Variants in RAPGEF1 observed in about 807,000 individuals in gnomAD.
RAPGEF1 encodes CRK SH3-binding GNRP.
Under a neutral mutation model 143.3 loss-of-function variants are expected in RAPGEF1, and 33 were observed. The ratio of observed to expected loss-of-function variants is 0.23; its 90% CI spans 0.17 to 0.31. The LOEUF (loss-of-function observed/expected upper bound fraction) is 0.31. Ranked by LOEUF, RAPGEF1 falls within the 10% of genes least tolerant of loss-of-function variation. RAPGEF1 has a pLI of 1.00. For missense variants in RAPGEF1, 1,199 were observed against 1,645.4 expected (o/e 0.73, Z 4.69); for synonymous variants, 629 against 676.5 (o/e 0.93, Z 1.09).
rs575940317 is a variant in RAPGEF1 at position 131,583,989 on chromosome 9, G to A, written c.3414+322C>T. Among the ~76,000 whole-genome samples the A allele has an allele frequency of 2.0e-5, 3 of 152,346 alleles. No homozygotes were observed. The highest frequency in any genetic ancestry group is 3.9e-4 in the East Asian group (2 of 5,180). On this transcript the variant is annotated intron_variant, in intron 24 of 26. Transcript: ENST00000683357. The surrounding 1 kb of genome is among the most constrained non-coding windows in gnomAD (Gnocchi z 4.7). The stretch of plus-strand genomic sequence containing the variant: ...CAGCACCTACCGCAGTGCCCGGCCC[G>A]AAGCAGACCCTTCAGAAGAACGGGC...
At chr9:131,642,965 C>T (rs1156789229) in intron 4 of RAPGEF1, among the ~76,000 whole-genome samples, 3 of 152,178 alleles carry the variant, frequency 2.0e-5, no homozygotes, top group East Asian at 1.9e-4. Context: ...CCTGGCTTGA[C>T]GCAGTTAAGT....
intron 12 of RAPGEF1, among the ~76,000 whole-genome samples, chr9:131,617,899 G>A (rs927022671): frequency 2.6e-5 from 4 of 152,228 alleles, no homozygotes; most frequent in Admixed American, 6.5e-5. Context: ...CATTTTAACA[G>A]ACGAAAGGGA....
At chr9:131,625,414 A>G (rs1050275101) in intron 10 of RAPGEF1, among the ~76,000 whole-genome samples, 2 of 152,216 alleles carry the variant, frequency 1.3e-5, no homozygotes, top group African/African-American at 4.8e-5. Flanking sequence ...TGGTCCAAGA[A>G]GTGTGCTGAA....
At chr9:131,708,845 C>T (rs1280555716) in intron 1 of RAPGEF1, among the ~76,000 whole-genome samples, 1 of 152,074 alleles carries the variant, frequency 6.6e-6, no homozygotes, top group Non-Finnish European at 1.5e-5. Flanking sequence ...ATTCTCCTGT[C>T]TCAGCCTTAT....
chr9:131,673,874 C>T (rs931848133), intron 1 of RAPGEF1, among the ~76,000 whole-genome samples: 1 of 152,192 alleles, frequency 6.6e-6, no homozygotes, highest in African/African-American at 2.4e-5. Flanking sequence ...AAGACGGTTC[C>T]GTTCTGCAGC....
chr9:131,649,243 C>T (rs540356508), intron 3 of RAPGEF1, among the ~76,000 whole-genome samples: 32 of 110,362 alleles, frequency 2.9e-4, no homozygotes, highest in South Asian at 1.8e-3. Flanking sequence ...TTAGTAGAGA[C>T]GGAGTTTTGT....
chr9:131,705,382 T>G (rs1442938867), intron 1 of RAPGEF1, among the ~76,000 whole-genome samples: 3 of 150,576 alleles, frequency 2.0e-5, no homozygotes, highest in Non-Finnish European at 4.4e-5. Context: ...AAAAAAACCA[T>G]GGATGTAAAT....
intron 1 of RAPGEF1, chr9:131,737,588 A>G: frequency 2.6e-6 from 4 of 1,510,872 alleles, no homozygotes; most frequent in Non-Finnish European, 2.7e-6. Context: ...CTTTCTCCCA[A>G]ATAGCAGAGA....
chr9:131,583,506 G>A lies in RAPGEF1; in HGVS notation c.3415-804C>T, dbSNP rs1482949900. 4.0e-5 allele frequency among the ~76,000 whole-genome samples: 6 copies of A among 150,464 alleles called. No homozygotes were observed. Among genetic ancestry groups the A allele is most frequent in the African/African-American group, 1.2e-4 (5 of 40,736 alleles). On this transcript the variant is annotated intron_variant, in intron 24 of 26. Coordinates refer to ENST00000683357, the MANE Select transcript of RAPGEF1 (RefSeq NM_001377935.1). The surrounding 1 kb of genome is among the most constrained non-coding windows in gnomAD (Gnocchi z 4.7). ...TGGCTGACGCTCGGGTTCCTGACAT[G>A]ACCTCTGGGTGGTCTGGTCACACTC...
chr9:131,659,093 C>T (rs1406600669), intron 1 of RAPGEF1, among the ~76,000 whole-genome samples: 1 of 152,232 alleles, frequency 6.6e-6, no homozygotes, highest in Non-Finnish European at 1.5e-5. Flanking sequence ...AGAAGTCGAG[C>T]ACTGGGAAGG....
In RAPGEF1 at chr9:131,641,929, G is replaced by A. The variant is rs1968120208; in HGVS notation, c.494+1310C>T. Among the ~76,000 whole-genome samples, 2 of 152,350 alleles carry A rather than the reference G, an allele frequency of 1.3e-5. No homozygotes were observed. Among genetic ancestry groups the A allele is most frequent in the African/African-American group, 4.8e-5 (2 of 41,582 alleles). Reference sequence around the variant, plus strand: ...CTATTTGCTTTATCCCCCAGAAGAAGAAAACTATGAACTTCATTGCCAAGT... The same window carrying A: ...CTATTTGCTTTATCCCCCAGAAGAAAAAAACTATGAACTTCATTGCCAAGT... On this transcript the variant is annotated intron_variant, in intron 4 of 26. Transcript: ENST00000683357. The surrounding 1 kb of genome is among the most constrained non-coding windows in gnomAD (Gnocchi z 4.6).
At chr9:131,592,045 C>G (rs1231993847) in intron 18 of RAPGEF1, 54 bp downstream of exon 18, 2 of 1,399,022 alleles carry the variant, frequency 1.4e-6, no homozygotes, top group Non-Finnish European at 2.0e-6. Context: ...GAGGGTCCCT[C>G]TCTCTCCAAA....
rs2132982905 is a variant in RAPGEF1 at position 131,626,442 on chromosome 9, A to G, written c.1202-20T>C. The stretch of plus-strand genomic sequence containing the variant: ...AGTGGTCTGCAGTTACAACAGGGGA[A>G]AAAGAGACCCGTTAGCCACAGGCCC... On this transcript the variant is annotated intron_variant, in intron 9 of 26. Transcript: ENST00000683357. 6.5e-7 allele frequency: 1 copy of G among 1,541,614 alleles called. No individual in the cohort carries two copies. Among genetic ancestry groups the G allele is most frequent in the East Asian group, 2.3e-5 (1 of 44,022 alleles).
Position 131,610,318 on chromosome 9 carries a change from G to T in RAPGEF1, c.2062-5130C>A, listed in dbSNP as rs1957843010. ...GCTGTCTGCTCATCAGCGGCTGAGG[G>T]TTAGGGACACAGGCTGAGGAACCTT... is the stretch of plus-strand genomic sequence containing the variant. On this transcript the variant is annotated intron_variant, in intron 12 of 26. Transcript: ENST00000683357. 2.6e-5 allele frequency among the ~76,000 whole-genome samples: 4 copies of T among 152,166 alleles called. No individual in the cohort carries two copies. The South Asian group carries it at 8.3e-4, about 32-fold the overall frequency.
intron 1 of RAPGEF1, among the ~76,000 whole-genome samples, chr9:131,699,480 G>T (rs562215475): frequency 7.9e-5 from 12 of 152,236 alleles, no homozygotes; most frequent in Admixed American, 5.9e-4. Flanking sequence ...CCGACCTTAG[G>T]TGATCCGCCC....
At chr9:131,622,087 G>T in intron 10 of RAPGEF1, 89 bp from the exon 11 acceptor site, 1 of 1,288,982 alleles carries the variant, frequency 7.8e-7, no homozygotes. Context: ...CAGCTAGGGG[G>T]CTTTCCACTG....
intron 12 of RAPGEF1, among the ~76,000 whole-genome samples, chr9:131,615,560 G>A (rs1588468860): frequency 6.6e-6 from 1 of 152,186 alleles, no homozygotes; most frequent in East Asian, 1.9e-4. Flanking sequence ...TCGAGTCCAG[G>A]CCCGGCAGAG....
chr9:131,626,654 TA>T (rs959438694), intron 9 of RAPGEF1, among the ~76,000 whole-genome samples: 16 of 150,798 alleles, frequency 1.1e-4, no homozygotes, highest in South Asian at 2.1e-4. Flanking sequence ...ATTTCTTATT[TA>T]AAAAAAAAAT....
rs1251382440 is a variant in RAPGEF1, at chr9:131,621,591, G to A, written c.1905+205C>T. On this transcript the variant is annotated intron_variant, in intron 11 of 26. Transcript: ENST00000683357. This position sits in a 1 kb window ranked among gnomAD's most constrained non-coding sequence, Gnocchi z 4.5. ...AGGTCCCTGCACCCCAGGGTGGGGA[G>A]GTGGTGGAGTGGGCGCTGGGCTGCT... 1.3e-5 allele frequency among the ~76,000 whole-genome samples: 2 copies of A among 152,208 alleles called. No individual in the cohort carries two copies. Among genetic ancestry groups the A allele is most frequent in the Non-Finnish European group, 2.9e-5 (2 of 68,034 alleles).
Sources: gnomAD v4.1 joint callset for allele counts (sites outside exome capture counted in the v4.1 genomes callset) on GRCh38, gnomAD v4.1.1 for gene constraint, Gnocchi (gnomAD v3.1) non-coding constraint, MANE v1.5 for transcripts, NCBI Gene and HGNC (gene_info 2026-07-23, HGNC 2026-07-21) for gene names.